GDAP2: variants seen among roughly 807,000 people sequenced by gnomAD.
GDAP2 encodes ganglioside-induced differentiation-associated protein 2.
Under a neutral mutation model 67.0 loss-of-function variants are expected in GDAP2, and 51 were observed. The observed-to-expected ratio is 0.76, with a 90% CI of 0.61 to 0.96. The LOEUF (loss-of-function observed/expected upper bound fraction) is 0.96, where lower values mean the gene tolerates loss of function less well. Among genes scored for constraint, GDAP2 ranks in the 40% least tolerant of loss-of-function variants. The pLI, the probability that GDAP2 is intolerant of heterozygous loss-of-function variation, is 0.00. For synonymous variants in GDAP2, 203 were observed against 207.3 expected (o/e 0.98, Z 0.18); for missense variants, 547 against 588.3 (o/e 0.93, Z 0.73).
intron 13 of GDAP2, among the ~76,000 whole-genome samples, chr1:117,872,606 C>A (rs377617455): frequency 4.6e-5 from 7 of 151,334 alleles, no homozygotes; most frequent in Non-Finnish European, 8.8e-5. Flanking sequence ...ACCCAAACAC[C>A]GCATGTTCTC....
At chr1:117,916,796 G>A (rs1650059496) in intron 3 of GDAP2, among the ~76,000 whole-genome samples, 1 of 152,202 alleles carries the variant, frequency 6.6e-6, no homozygotes, top group Admixed American at 6.5e-5. Flanking sequence ...CACATTGGGA[G>A]GCCGAGGCAG....
intron 6 of GDAP2, among the ~76,000 whole-genome samples, chr1:117,901,359 T>C (rs1419573769): frequency 6.6e-6 from 1 of 152,236 alleles, no homozygotes; most frequent in Non-Finnish European, 1.5e-5. Context: ...ACTTATGTTT[T>C]CAATTCTCTT....
intron 6 of GDAP2, among the ~76,000 whole-genome samples, chr1:117,900,872 A>G (rs979144109): frequency 1.3e-5 from 2 of 151,944 alleles, no homozygotes; most frequent in African/African-American, 4.8e-5. Flanking sequence ...CATCCTGGCT[A>G]ACACAGTGAA....
chr1:117,894,350 T>C (rs1299394178), intron 8 of GDAP2, among the ~76,000 whole-genome samples: 1 of 152,150 alleles, frequency 6.6e-6, no homozygotes, highest in Admixed American at 6.6e-5. Flanking sequence ...TTTAAAACTA[T>C]TTTTGTAATA....
chr1:117,864,161 T>A lies in GDAP2; in HGVS notation c.*6408A>T, dbSNP rs1158512022. The A allele has an allele frequency of 6.6e-6, 1 of 152,254 alleles. No homozygotes were observed. Among genetic ancestry groups the A allele is most frequent in the Non-Finnish European group, 1.5e-5 (1 of 68,050 alleles). The allele number at this position is 152,254 out of a possible 1,614,324, so 9.4% of individuals were successfully genotyped here. On this transcript the variant is annotated 3_prime_UTR_variant, in exon 14 of 14. Coordinates refer to ENST00000369443, the MANE Select transcript of GDAP2 (RefSeq NM_017686.4). ...GAGAATTATGCATTATTCATGTTGA[T>A]GAAACATTTTAAAATAATATTCATG...
rs1324418569 is a variant in GDAP2 at position 117,867,284 on chromosome 1, T to G, written c.*3285A>C. 6.6e-6 allele frequency: 1 copy of G among 152,112 alleles called. No homozygotes were observed. The highest frequency in any genetic ancestry group is 2.4e-5 in the African/African-American group (1 of 41,420). The allele number at this position is 152,112 out of a possible 1,614,324, so 9.4% of individuals were successfully genotyped here. A position where few individuals can be genotyped will look rare whatever the true frequency, so the allele number is the denominator to read the frequency against. On this transcript the variant is annotated 3_prime_UTR_variant, in exon 14 of 14. Coordinates refer to ENST00000369443, the MANE Select transcript of GDAP2 (RefSeq NM_017686.4). ...TATCCCTCTTTAAAAAGAAGTGATA[T>G]TTTCAATTTCAGAAATTTGATTAAA...
intron 5 of GDAP2, among the ~76,000 whole-genome samples, chr1:117,909,066 C>T (rs1649759176): frequency 6.6e-6 from 1 of 152,020 alleles, no homozygotes; most frequent in Non-Finnish European, 1.5e-5. Context: ...GGTTTTAGTA[C>T]TAAAGGCCAG....
chr1:117,887,467 G>A (rs1648902063), intron 9 of GDAP2, among the ~76,000 whole-genome samples: 1 of 152,044 alleles, frequency 6.6e-6, no homozygotes, highest in African/African-American at 2.4e-5. Context: ...TTTTTAAAAG[G>A]GACACTAGCA....
At chr1:117,892,367 C>T (rs573742150) in intron 8 of GDAP2, among the ~76,000 whole-genome samples, 58 of 152,180 alleles carry the variant, frequency 3.8e-4, no homozygotes, top group African/African-American at 1.3e-3. Context: ...ATAAACAGCA[C>T]CTCACTTTTT....
chr1:117,871,322 G>T (rs1352469076), intron 13 of GDAP2, among the ~76,000 whole-genome samples: 1 of 152,134 alleles, frequency 6.6e-6, no homozygotes, highest in Admixed American at 6.6e-5. Context: ...TCTGATTTTG[G>T]CTAATCTCAG....
chr1:117,892,481 G>A (rs576014950), intron 8 of GDAP2, among the ~76,000 whole-genome samples: 2 of 151,972 alleles, frequency 1.3e-5, no homozygotes, highest in African/African-American at 2.4e-5. Context: ...AATAGTTTCT[G>A]GGTTTCCTAC....
chr1:117,925,740 C>A (rs890093380), intron 1 of GDAP2, among the ~76,000 whole-genome samples: 1 of 152,092 alleles, frequency 6.6e-6, no homozygotes, highest in Admixed American at 6.6e-5. Flanking sequence ...GACTCTGAAC[C>A]AGTTTTTTAA....
intron 8 of GDAP2, among the ~76,000 whole-genome samples, chr1:117,891,974 T>C (rs1316922710): frequency 2.0e-5 from 3 of 152,160 alleles, no homozygotes. Context: ...GATCTAAAGA[T>C]AGACTTTGGT....
At chr1:117,921,726 T>A (rs1557811419) in intron 1 of GDAP2, among the ~76,000 whole-genome samples, 1 of 152,212 alleles carries the variant, frequency 6.6e-6, no homozygotes. Context: ...ATCTTGATCA[T>A]GGTAATGATT....
At chr1:117,912,865 T>C (rs1570990228) in intron 3 of GDAP2, among the ~76,000 whole-genome samples, 182 bp from the exon 4 acceptor site, 2 of 152,056 alleles carry the variant, frequency 1.3e-5, no homozygotes, top group South Asian at 4.1e-4. Context: ...AGCAATACAA[T>C]AGGTATAAGC....
intron 9 of GDAP2, 45 bp downstream of exon 9, chr1:117,887,653 G>A: frequency 1.1e-6 from 1 of 901,040 alleles, no homozygotes; most frequent in Non-Finnish European, 1.9e-6. Context: ...GCTTGGTAGG[G>A]CTCTTAATTA....
At chr1:117,894,388 A>C (rs1449017507) in intron 8 of GDAP2, among the ~76,000 whole-genome samples, 2 of 152,208 alleles carry the variant, frequency 1.3e-5, no homozygotes, top group African/African-American at 2.4e-5. Flanking sequence ...CACTGCATAG[A>C]CATTTACATT....
chr1:117,867,769 G>A lies in GDAP2; in HGVS notation c.*2800C>T, dbSNP rs1029787425. 1 of 151,974 alleles carries A rather than the reference G, an allele frequency of 6.6e-6. No individual in the cohort carries two copies. The highest frequency in any genetic ancestry group is 2.4e-5 in the African/African-American group (1 of 41,386). 9.4% of individuals were successfully genotyped at this position (151,974 alleles called of 1,614,324 possible). A position where few individuals can be genotyped will look rare whatever the true frequency, so the allele number is the denominator to read the frequency against. ...ATGAAACATAATATACATTAAAGGAGAAAACGTCTTTAAAATATGTACCAT... is the reference window on the plus strand; with the variant it reads ...ATGAAACATAATATACATTAAAGGAAAAAACGTCTTTAAAATATGTACCAT... On this transcript the variant is annotated 3_prime_UTR_variant, in exon 14 of 14. Coordinates refer to ENST00000369443, the MANE Select transcript of GDAP2 (RefSeq NM_017686.4).
intron 6 of GDAP2, among the ~76,000 whole-genome samples, chr1:117,903,830 C>A (rs771596365): frequency 1.4e-4 from 21 of 152,094 alleles, no homozygotes; most frequent in Non-Finnish European, 2.1e-4. Context: ...ATTTTGGAAT[C>A]ATTAAATAAA....
Sources: gnomAD v4.1 joint callset for allele counts (sites outside exome capture counted in the v4.1 genomes callset) on GRCh38, gnomAD v4.1.1 for gene constraint, MANE v1.5 for transcripts, NCBI Gene and HGNC (gene_info 2026-07-23, HGNC 2026-07-21) for gene names.